Variants in GET4 observed in about 807,000 individuals in gnomAD.
GET4 encodes Golgi to ER traffic protein 4 homolog.
GET4 carries 20 observed loss-of-function variants against 40.0 expected under a neutral mutation model. That is an observed-to-expected ratio of 0.50 (90% CI 0.35 to 0.73). The LOEUF (loss-of-function observed/expected upper bound fraction) is 0.73. Among genes scored for constraint, GET4 ranks in the 30% least tolerant of loss-of-function variants. The pLI is 0.01. For missense variants in GET4, 557 were observed against 454.0 expected (o/e 1.23, Z -2.06); for synonymous variants, 280 against 194.6 (o/e 1.44, Z -3.65).
Position 887,411 on chromosome 7 carries a change from C to A in GET4, c.358C>A (p.Pro120Thr). 6.2e-7 allele frequency: 1 copy of A among 1,603,368 alleles called. No individual in the cohort carries two copies. Residue 120 changes from proline (P) to threonine (T), a missense_variant, in exon 4 of 9, where the codon CCT becomes ACT. Pro to Thr is a conservative substitution (Grantham distance 38, BLOSUM62 -1). Transcript: ENST00000265857. ...KVFSLMDPNS[P>T]ERVTFVSRAL... ...GTTCAGCCTGATGGACCCCAACTCT[C>A]CTGAGCGCGTGACCTTTGTGTCCAG...
intron 3 of GET4, chr7:887,158 C>G: frequency 1.4e-6 from 1 of 714,910 alleles, no homozygotes; most frequent in African/African-American, 1.7e-5. Context: ...GCCAGGGCGT[C>G]CGTCCTTCCT....
chr7:894,939 G>T (rs187916761), intron 8 of GET4, among the ~76,000 whole-genome samples: 2 of 152,248 alleles, frequency 1.3e-5, no homozygotes, highest in South Asian at 2.1e-4. Flanking sequence ...ACTGTAGGGC[G>T]CAGTGTGCTC....
At chr7:888,690 C>G (rs1398600806) in intron 4 of GET4, among the ~76,000 whole-genome samples, 1 of 152,382 alleles carries the variant, frequency 6.6e-6, no homozygotes, top group African/African-American at 2.4e-5. Context: ...TCCGTGGCCC[C>G]TGGAGCATAC....
intron 1 of GET4, chr7:883,738 AG>A: frequency 2.0e-6 from 2 of 986,180 alleles, no homozygotes; most frequent in Non-Finnish European, 2.4e-6. Context: ...CGGGCTTGAG[AG>A]GGTACCTGTC....
intron 4 of GET4, among the ~76,000 whole-genome samples, chr7:890,565 C>T (rs1382201025): frequency 2.6e-5 from 4 of 152,040 alleles, no homozygotes; most frequent in Non-Finnish European, 4.4e-5. Flanking sequence ...GGTGCACTGG[C>T]CTGGGCCCTG....
At chr7:891,549 T>A (rs1844322454) in intron 5 of GET4, among the ~76,000 whole-genome samples, 1 of 152,020 alleles carries the variant, frequency 6.6e-6, no homozygotes, top group African/African-American at 2.4e-5. Context: ...GCCAGCTCGC[T>A]GGGGCGTCCT....
At chr7:878,393 T>C in intron 1 of GET4, 2 of 470,946 alleles carry the variant, frequency 4.2e-6, no homozygotes, top group South Asian at 3.1e-5. Context: ...GGGAACAGTC[T>C]GGCCAGTCAC....
In GET4 at chr7:876,776, A is replaced by G; in HGVS notation, c.131A>G (p.Gln44Arg). 2 of 1,323,204 alleles carry G rather than the reference A, an allele frequency of 1.5e-6. No homozygotes were observed. The highest frequency in any genetic ancestry group is 2.0e-6 in the Non-Finnish European group (2 of 1,021,654). The allele number at this position is 1,323,204 out of a possible 1,614,324, so 82.0% of individuals were successfully genotyped here. Residue 44 changes from glutamine (Q) to arginine (R), a missense_variant, in exon 1 of 9, where the codon CAG becomes CGG. Transcript: ENST00000265857. ...VEKGDYYEAH[Q>R]MYRTLFFRYM... The stretch of plus-strand genomic sequence containing the variant: ...AAGGGCGACTACTACGAGGCGCACC[A>G]GATGTACCGGACCCTGTTCTTCAGG...
intron 1 of GET4, chr7:884,366 C>T (rs1413996091): frequency 7.7e-7 from 1 of 1,302,444 alleles, no homozygotes; most frequent in Non-Finnish European, 1.0e-6. Flanking sequence ...AGTCAGTGGT[C>T]CTGTCGAGGC....
chr7:878,397 C>G (rs1844012825), intron 1 of GET4: 1 of 470,714 alleles, frequency 2.1e-6, no homozygotes, highest in African/African-American at 2.0e-5. Context: ...ACAGTCTGGC[C>G]AGTCACTAGG....
In GET4 at chr7:887,467, G is replaced by A. The variant is rs1436978390; in HGVS notation, c.414G>A (p.Gly138=). Residue 138 remains glycine (G), a synonymous_variant, in exon 4 of 9, where the codon GGG becomes GGA. Transcript: ENST00000265857. ...TGAAGTGGTCCAGTGGGGGCTCCGGGAAGCTGGGCCACCCCCGGCTGCACC... is the reference window on the plus strand; with the variant it reads ...TGAAGTGGTCCAGTGGGGGCTCCGGAAAGCTGGGCCACCCCCGGCTGCACC... ...RALKWSSGGS[G]KLGHPRLHQL... 3 of 1,590,180 alleles carry A rather than the reference G, an allele frequency of 1.9e-6. No homozygotes were observed. In the African/African-American group the frequency reaches 4.0e-5, roughly 21 times the overall value.
At chr7:884,032 C>A in intron 1 of GET4, 1 of 1,153,010 alleles carries the variant, frequency 8.7e-7, no homozygotes, top group Non-Finnish European at 1.1e-6. Context: ...ATCGGCAGTG[C>A]CCCCCAGAGC....
intron 1 of GET4, among the ~76,000 whole-genome samples, chr7:877,036 C>T (rs1181323456): frequency 2.6e-5 from 4 of 151,790 alleles, no homozygotes; most frequent in Admixed American, 6.5e-5. Flanking sequence ...GGCTTCCTTC[C>T]CCTCTCCTGC....
intron 1 of GET4, chr7:885,210 G>A (rs1020866700): frequency 6.6e-6 from 1 of 152,224 alleles, no homozygotes; most frequent in Admixed American, 6.5e-5. Context: ...ATAAGGCAGC[G>A]ATCATTAAGA....
At chr7:891,810 C>G (rs1335855417) in intron 5 of GET4, among the ~76,000 whole-genome samples, 5 of 152,264 alleles carry the variant, frequency 3.3e-5, no homozygotes, top group African/African-American at 1.2e-4. Flanking sequence ...CTCCCTGGCT[C>G]TGCGCTACGC....
At chr7:884,990 C>G (rs998315534) in intron 1 of GET4, 2 of 152,246 alleles carry the variant, frequency 1.3e-5, no homozygotes, top group African/African-American at 2.4e-5. Context: ...CTATGTTGCT[C>G]AGGCCAGTCT....
chr7:888,936 C>G (rs949875718), intron 4 of GET4, among the ~76,000 whole-genome samples: 2 of 152,272 alleles, frequency 1.3e-5, no homozygotes, highest in African/African-American at 4.8e-5. Flanking sequence ...TGCGTCAACA[C>G]TGGGTGGCCG....
chr7:877,550 C>T (rs1435560338), intron 1 of GET4, among the ~76,000 whole-genome samples: 3 of 122,064 alleles, frequency 2.5e-5, no homozygotes, highest in Non-Finnish European at 1.7e-5. Context: ...CTCTCCCCAG[C>T]CTACCACTGT....
At chr7:886,674 G>A (rs535683129) in intron 3 of GET4, 24 bp downstream of exon 3, 19 of 1,550,322 alleles carry the variant, frequency 1.2e-5, no homozygotes, top group African/African-American at 8.2e-5. Context: ...CCTTCACCCC[G>A]GGACCCTGTG....
Sources: allele counts gnomAD v4.1 joint callset (sites outside exome capture counted in the v4.1 genomes callset), GRCh38; gene constraint gnomAD v4.1.1; transcripts MANE v1.5; gene names NCBI Gene and HGNC (gene_info 2026-07-23, HGNC 2026-07-21).